ZBTB21: variants seen among roughly 807,000 people sequenced by gnomAD.
The protein encoded by ZBTB21 is zinc finger and BTB domain containing 21.
ZBTB21 carries 10 observed loss-of-function variants against 39.8 expected under a neutral mutation model. The observed-to-expected ratio is 0.25, with a 90% CI of 0.16 to 0.43. The LOEUF (loss-of-function observed/expected upper bound fraction) is 0.43. Among genes scored for constraint, ZBTB21 ranks in the 20% least tolerant of loss-of-function variants. The pLI is 1.00. For missense variants in ZBTB21, 1,221 were observed against 1,296.3 expected, an observed-to-expected ratio of 0.94 and a Z score of 0.89; for synonymous variants, 551 against 498.8, an observed-to-expected ratio of 1.10 and a Z score of -1.40.
Position 41,989,327 on chromosome 21 carries a change from G to C in ZBTB21, c.*1568C>G, listed in dbSNP as rs971015007. 1 of 152,036 alleles carries C rather than the reference G, an allele frequency of 6.6e-6. No homozygotes were observed. Among genetic ancestry groups the C allele is most frequent in the African/African-American group, 2.4e-5 (1 of 41,394 alleles). 9.4% of individuals were successfully genotyped at this position (152,036 alleles called of 1,614,324 possible). On this transcript the variant is annotated 3_prime_UTR_variant, in exon 3 of 3. Coordinates refer to ENST00000310826, the MANE Select transcript of ZBTB21 (RefSeq NM_001098402.2). ...TTCCTACCACTGGTATGGAATGTTG[G>C]CAATAAGATTGATGGGTACAGAGTT...
rs2065585783 is a variant in ZBTB21, at chr21:41,986,894, T to C, written c.*4001A>G. The stretch of plus-strand genomic sequence containing the variant: ...ATTCTTAGTCAACATTTAAGCAAAC[T>C]GTAGACAATGGAATTGAATACAAAT... On this transcript the variant is annotated 3_prime_UTR_variant, in exon 3 of 3. Transcript: ENST00000310826. 6.6e-6 allele frequency: 1 copy of C among 152,154 alleles called. No homozygotes were observed. The highest frequency in any genetic ancestry group is 6.6e-5 in the Admixed American group (1 of 15,258). 9.4% of individuals were successfully genotyped at this position (152,154 alleles called of 1,614,324 possible).
intron 2 of ZBTB21, among the ~76,000 whole-genome samples, chr21:41,996,509 C>G (rs143627564): frequency 6.6e-6 from 1 of 152,188 alleles, no homozygotes; most frequent in Non-Finnish European, 1.5e-5. Flanking sequence ...GCCTGTACCC[C>G]CACTGTATCT....
In ZBTB21 at chr21:41,991,080, C is replaced by T. The variant is rs776875600; in HGVS notation, c.3016G>A (p.Gly1006Ser). Residue 1006 changes from glycine (G) to serine (S), a missense_variant, in exon 3 of 3, where the codon GGC (glycine) becomes AGC (serine). By Grantham distance (56) the Gly-to-Ser change is moderately conservative. Around this residue, in one of 4 missense-constraint regions of ZBTB21, gnomAD observed 523 missense variants for 542.5 expected, o/e 0.96. Coordinates refer to ENST00000310826, the MANE Select transcript of ZBTB21 (RefSeq NM_001098402.2). This position sits in a 1 kb window ranked among gnomAD's most constrained non-coding sequence, Gnocchi z 4.9. ...GCTGGAGTTGGGTTTTCGGACAGGCCTGTGGGGCTGTCAGGCTCCAGAGGC... is the reference window on the plus strand; with the variant it reads ...GCTGGAGTTGGGTTTTCGGACAGGCTTGTGGGGCTGTCAGGCTCCAGAGGC... Reference protein sequence around the residue: ...IQPLEPDSPTGLSENPTPATE... With the variant: ...IQPLEPDSPTSLSENPTPATE... 4.5e-5 allele frequency: 73 copies of T among 1,610,262 alleles called. No homozygotes were observed. Among genetic ancestry groups the T allele is most frequent in the Non-Finnish European group, 6.1e-5 (72 of 1,178,202 alleles).
rs538108364 is a variant in ZBTB21, at chr21:41,997,884, T to C, written c.-13-3776A>G. Reference sequence around the variant, plus strand: ...TGCCAGTTCCTTGCAGGCTGGCTGATTGTCCTTGGGTGTTTCTGTTAGCCT... The same window carrying C: ...TGCCAGTTCCTTGCAGGCTGGCTGACTGTCCTTGGGTGTTTCTGTTAGCCT... On this transcript the variant is annotated intron_variant, in intron 2 of 2. Transcript: ENST00000310826. 4.6e-5 allele frequency among the ~76,000 whole-genome samples: 7 copies of C among 152,158 alleles called. No individual in the cohort carries two copies. In the South Asian group the frequency reaches 6.2e-4, roughly 14 times the overall value.
intron 1 of ZBTB21, chr21:42,009,097 G>A (rs1230951363): frequency 6.6e-6 from 1 of 152,108 alleles, no homozygotes; most frequent in African/African-American, 2.4e-5. Flanking sequence ...GCGTGCCCTC[G>A]GAGGCTCGGT....
At position 41,990,638 on chromosome 21, in the gene ZBTB21, C is replaced by G. The variant is rs1325734099; in HGVS notation, c.*257G>C. ...TGAGGAACCATGCACACAATCAAGA[C>G]TAATCCAATTTCAACATTAATGAAA... On this transcript the variant is annotated 3_prime_UTR_variant, in exon 3 of 3. Coordinates refer to ENST00000310826, the MANE Select transcript of ZBTB21 (RefSeq NM_001098402.2). 7 of 286,838 alleles carry G rather than the reference C, an allele frequency of 2.4e-5. No homozygotes were observed. The Admixed American group carries it at 2.9e-4, about 12-fold the overall frequency. 17.8% of individuals were successfully genotyped at this position (286,838 alleles called of 1,614,324 possible). A position where few individuals can be genotyped will look rare whatever the true frequency, so the allele number is the denominator to read the frequency against.
rs766203038 is a variant in ZBTB21, at chr21:41,993,186, C to G, written c.910G>C (p.Asp304His). Residue 304 changes from aspartate to histidine, a missense_variant, in exon 3 of 3, where the codon GAT becomes CAT. Asp to His is a moderately conservative substitution (Grantham distance 81, BLOSUM62 -1). Coordinates refer to ENST00000310826, the MANE Select transcript of ZBTB21 (RefSeq NM_001098402.2). ...TTTGAATAGTACAACAAGTTTCTAT[C>G]TTCACCTTGACCATTTCCTTTGTTA... Reference protein sequence around the residue: ...ETNKGNGQGEDRNLLYYSKLG... With the variant: ...ETNKGNGQGEHRNLLYYSKLG... 6.2e-7 allele frequency: 1 copy of G among 1,613,492 alleles called. No individual in the cohort carries two copies.
chr21:42,008,563 G>GA (rs1332944895), intron 1 of ZBTB21, among the ~76,000 whole-genome samples: 1 of 102,750 alleles, frequency 9.7e-6, no homozygotes, highest in African/African-American at 3.5e-5. Context: ...AAAAAAAAAA[G>GA]AAAAAAAGAA....
chr21:41,997,575 C>CA (rs10709533), intron 2 of ZBTB21, among the ~76,000 whole-genome samples: 1,261 of 117,734 alleles, frequency 0.011, 8 homozygotes, highest in African/African-American at 0.023. Context: ...GACGTTGTCT[C>CA]AAAAAAAAAA....
intron 2 of ZBTB21, among the ~76,000 whole-genome samples, chr21:41,998,058 A>G (rs1048054059): frequency 3.3e-5 from 5 of 152,204 alleles, no homozygotes; most frequent in African/African-American, 9.6e-5. Flanking sequence ...CTAATTCAGT[A>G]TCAAAGAAAG....
Position 41,987,862 on chromosome 21 carries a change from C to G in ZBTB21, c.*3033G>C, listed in dbSNP as rs984390329. ...CCTCCGTGAACAGACACATTTTATT[C>G]CTGTTTCACAGCAGCTACTCTCATT... is the stretch of plus-strand genomic sequence containing the variant. On this transcript the variant is annotated 3_prime_UTR_variant, in exon 3 of 3. Coordinates refer to ENST00000310826, the MANE Select transcript of ZBTB21 (RefSeq NM_001098402.2). The G allele has an allele frequency of 1.3e-5, 2 of 152,174 alleles. No homozygotes were observed. Among genetic ancestry groups the G allele is most frequent in the Admixed American group, 1.3e-4 (2 of 15,284 alleles). The allele number at this position is 152,174 out of a possible 1,614,324, so 9.4% of individuals were successfully genotyped here. A position where few individuals can be genotyped will look rare whatever the true frequency, so the allele number is the denominator to read the frequency against.
chr21:41,996,337 C>T (rs539933786), intron 2 of ZBTB21, among the ~76,000 whole-genome samples: 2 of 152,348 alleles, frequency 1.3e-5, no homozygotes, highest in African/African-American at 4.8e-5. Context: ...TGGGAGCCCA[C>T]CTCTTATATC....
intron 1 of ZBTB21, among the ~76,000 whole-genome samples, chr21:42,005,060 AG>A (rs1333719156): frequency 6.6e-6 from 1 of 152,206 alleles, no homozygotes; most frequent in East Asian, 1.9e-4. Context: ...GTCTCTAACA[AG>A]GGGGTTTGAT....
chr21:41,995,444 C>T (rs1331111176), intron 2 of ZBTB21, among the ~76,000 whole-genome samples: 2 of 152,150 alleles, frequency 1.3e-5, no homozygotes, highest in Admixed American at 6.5e-5. Context: ...ATGGAACTTT[C>T]AACTTGAGAG....
In ZBTB21 at chr21:41,992,539, G is replaced by A. The variant is rs375486632; in HGVS notation, c.1557C>T (p.Leu519=). 6.2e-7 allele frequency: 1 copy of A among 1,614,056 alleles called. No homozygotes were observed. The highest frequency in any genetic ancestry group is 1.7e-5 in the Admixed American group (1 of 60,010). The part of the protein sequence containing the change: ...DNFEEGSSPT[L]LDADFPDSDL... ...CAGAATCTGGAAAATCTGCATCAAG[G>A]AGAGTAGGGCTTGAGCCTTCCTCAA... The change falls in exon 3 of 3, where the codon CTC becomes CTT. Residue 519 remains leucine (L), a synonymous_variant. Transcript: ENST00000310826. This position sits in a 1 kb window ranked among gnomAD's most constrained non-coding sequence, Gnocchi z 4.1.
At position 41,992,079 on chromosome 21, in the gene ZBTB21, T is replaced by G; in HGVS notation, c.2017A>C (p.Thr673Pro). ...AAGCGGTACGCTTTTCCGCAGTAAG[T>G]ACAAATGTAAGCTCCTTTGGCTCGA... Reference protein sequence around the residue: ...RSRAKGAYICTYCGKAYRFLS... With the variant: ...RSRAKGAYICPYCGKAYRFLS... Residue 673 changes from threonine to proline, a missense_variant, in exon 3 of 3, where the codon ACT (threonine) becomes CCT (proline). Around this residue, in one of 4 missense-constraint regions of ZBTB21, gnomAD observed 523 missense variants for 542.5 expected, o/e 0.96. Transcript: ENST00000310826. The surrounding 1 kb of genome is among the most constrained non-coding windows in gnomAD (Gnocchi z 4.1). 6.2e-7 allele frequency: 1 copy of G among 1,614,234 alleles called. No homozygotes were observed. Among genetic ancestry groups the G allele is most frequent in the Non-Finnish European group, 8.5e-7 (1 of 1,180,044 alleles).
chr21:41,991,798 G>A lies in ZBTB21; in HGVS notation c.2298C>T (p.His766=), dbSNP rs1026028353. 12 of 1,614,106 alleles carry A rather than the reference G, an allele frequency of 7.4e-6. No individual in the cohort carries two copies. Among genetic ancestry groups the A allele is most frequent in the Admixed American group, 5.0e-5 (3 of 60,012 alleles). The change falls in exon 3 of 3, where the codon CAC becomes CAT. Residue 766 remains histidine (H), a synonymous_variant. Coordinates refer to ENST00000310826, the MANE Select transcript of ZBTB21 (RefSeq NM_001098402.2). The surrounding 1 kb of genome is among the most constrained non-coding windows in gnomAD (Gnocchi z 4.9). ...RFFSPELKQE[H]ESKCEYKKLT... ...GCTTCTTATACTCACACTTGCTCTC[G>A]TGTTCTTGCTTCAGCTCGGGCGAGA... is the stretch of plus-strand genomic sequence containing the variant.
At chr21:42,008,285 C>G (rs1273841574) in intron 1 of ZBTB21, among the ~76,000 whole-genome samples, 1 of 134,400 alleles carries the variant, frequency 7.4e-6, no homozygotes, top group Non-Finnish European at 1.5e-5. Flanking sequence ...TGGGGTGGAT[C>G]ACGAGGTCAG....
intron 1 of ZBTB21, among the ~76,000 whole-genome samples, chr21:42,008,901 GATC>G (rs1379633367): frequency 1.3e-5 from 2 of 152,198 alleles, no homozygotes; most frequent in Non-Finnish European, 2.9e-5. Context: ...AGTCCTTAGA[GATC>G]ATCATTTACT....
Sources: allele counts gnomAD v4.1 joint callset (sites outside exome capture counted in the v4.1 genomes callset), GRCh38; gene constraint gnomAD v4.1.1; regional missense constraint gnomAD v4.1.1; non-coding constraint Gnocchi (gnomAD v3.1); transcripts MANE v1.5; gene names NCBI Gene and HGNC (gene_info 2026-07-23, HGNC 2026-07-21).